Variants in CUX1 observed in about 807,000 individuals in gnomAD.
CUX1 encodes the protein cut like homeobox 1.
In CUX1, 31 loss-of-function variants were observed where a neutral mutation model predicts 158.8. The observed-to-expected ratio is 0.20, with a 90% confidence interval of 0.15 to 0.26. The LOEUF (loss-of-function observed/expected upper bound fraction) is 0.26, where lower values mean the gene tolerates loss of function less well. Ranked by LOEUF, CUX1 falls within the 10% of genes least tolerant of loss-of-function variation. The pLI, the probability that CUX1 is intolerant of heterozygous loss-of-function variation, is 1.00. For missense variants in CUX1, 1,589 were observed against 2,014.6 expected, an observed-to-expected ratio of 0.79 and a Z score of 4.04; for synonymous variants, 879 against 862.1, an observed-to-expected ratio of 1.02 and a Z score of -0.34.
At chr7:101,904,698 A>G (rs1360867050) in intron 1 of CUX1, among the ~76,000 whole-genome samples, 1 of 151,018 alleles carries the variant, frequency 6.6e-6, no homozygotes, top group Non-Finnish European at 1.5e-5. Flanking sequence ...CCTCCCAAGT[A>G]GCTGAGATTG....
In CUX1 at chr7:102,256,395, T is replaced by C. The variant is rs1195881005; in HGVS notation, c.*7353T>C. 4.1e-6 allele frequency: 4 copies of C among 985,270 alleles called. No homozygotes were observed. The highest frequency in any genetic ancestry group is 4.8e-6 in the Non-Finnish European group (4 of 829,866). 61.0% of individuals were successfully genotyped at this position (985,270 alleles called of 1,614,324 possible). On this transcript the variant is annotated 3_prime_UTR_variant, in exon 24 of 24. Coordinates refer to ENST00000292535, the MANE Select transcript of CUX1 (RefSeq NM_181552.4). Reference sequence around the variant, plus strand: ...ACTTATCAGGAGTGTATTGTTATTTTGTGTTTTGTTGTCATAAATGCTTTT... The same window carrying C: ...ACTTATCAGGAGTGTATTGTTATTTCGTGTTTTGTTGTCATAAATGCTTTT...
At chr7:102,118,415 G>A (rs1554492448) in intron 8 of CUX1, among the ~76,000 whole-genome samples, 1 of 152,148 alleles carries the variant, frequency 6.6e-6, no homozygotes, top group African/African-American at 2.4e-5. Flanking sequence ...GCTCCTAACT[G>A]TAGTCCTGGA....
intron 1 of CUX1, among the ~76,000 whole-genome samples, chr7:101,830,549 C>T (rs1379390623): frequency 6.6e-6 from 1 of 152,148 alleles, no homozygotes; most frequent in African/African-American, 2.4e-5. Context: ...AACTCCCAGG[C>T]TCAAGTGATC....
At chr7:102,149,500 G>A (rs76659768) in intron 8 of CUX1, among the ~76,000 whole-genome samples, 10,282 of 146,894 alleles carry the variant, frequency 0.07, 484 homozygotes, top group Middle Eastern at 0.13. Flanking sequence ...GCGCCACTAC[G>A]CCATTGCCCA....
At chr7:101,957,275 C>T (rs1022908064) in intron 2 of CUX1, among the ~76,000 whole-genome samples, 10 of 152,184 alleles carry the variant, frequency 6.6e-5, no homozygotes, top group African/African-American at 2.4e-4. Flanking sequence ...CAAATACCTG[C>T]ACATCACACA....
chr7:102,063,383 C>CTTTTTTTT (rs11368644), intron 3 of CUX1, among the ~76,000 whole-genome samples: 64 of 89,272 alleles, frequency 7.2e-4, no homozygotes, highest in East Asian at 1.9e-3. Flanking sequence ...ATTTCCTTTT[C>CTTTTTTTT]TTTTTTTTTT....
chr7:102,174,226 C>T (rs1554511189), intron 10 of CUX1, among the ~76,000 whole-genome samples: 1 of 152,202 alleles, frequency 6.6e-6, no homozygotes, highest in Admixed American at 6.5e-5. Context: ...TTAACCAATT[C>T]TCCTGTCTCA....
intron 20 of CUX1, among the ~76,000 whole-genome samples, chr7:102,210,307 G>A (rs1407601914): frequency 6.6e-6 from 1 of 152,158 alleles, no homozygotes; most frequent in East Asian, 1.9e-4. Flanking sequence ...ATGTTGGCCA[G>A]GCTAGTCTCC....
Position 102,250,387 on chromosome 7 carries a change from T to C in CUX1, c.*1345T>C. The stretch of plus-strand genomic sequence containing the variant: ...GGCACCTCACCTCACACCACTCTCC[T>C]GGATACCTGATGAACTGAGCCCTCC... On this transcript the variant is annotated 3_prime_UTR_variant, in exon 24 of 24. Coordinates refer to ENST00000292535, the MANE Select transcript of CUX1 (RefSeq NM_181552.4). The C allele has an allele frequency of 1.0e-6, 1 of 985,568 alleles. No homozygotes were observed. Among genetic ancestry groups the C allele is most frequent in the Non-Finnish European group, 1.2e-6 (1 of 830,026 alleles). 61.1% of individuals were successfully genotyped at this position (985,568 alleles called of 1,614,324 possible).
At chr7:102,108,736 T>TTTTGTGTGTGTGTGTG (rs10529873) in intron 6 of CUX1, among the ~76,000 whole-genome samples, 6 of 145,062 alleles carry the variant, frequency 4.1e-5, no homozygotes, top group African/African-American at 1.6e-4. Flanking sequence ...TTCATTCATT[T>TTTTGTGTGTGTGTGTG]TGTGTGTGTG....
At chr7:101,983,196 G>A (rs942888501) in intron 2 of CUX1, among the ~76,000 whole-genome samples, 30 of 152,150 alleles carry the variant, frequency 2.0e-4, no homozygotes, top group Admixed American at 3.3e-4. Context: ...TGTGGGATGG[G>A]CATATACGTG....
At chr7:102,020,207 T>C (rs1819181330) in intron 2 of CUX1, among the ~76,000 whole-genome samples, 1 of 152,214 alleles carries the variant, frequency 6.6e-6, no homozygotes, top group Admixed American at 6.5e-5. Flanking sequence ...TTCAATGCCA[T>C]TTAAAATTAC....
At chr7:102,132,078 A>C (rs1833306645) in intron 8 of CUX1, among the ~76,000 whole-genome samples, 1 of 151,984 alleles carries the variant, frequency 6.6e-6, no homozygotes, top group Non-Finnish European at 1.5e-5. Context: ...ACTTTTTTTT[A>C]AGCATGATGC....
intron 4 of CUX1, among the ~76,000 whole-genome samples, chr7:102,092,617 A>G (rs1302626972): frequency 1.3e-5 from 2 of 152,190 alleles, no homozygotes; most frequent in Non-Finnish European, 2.9e-5. Flanking sequence ...ATCATGAGTC[A>G]AAAATGCATT....
At chr7:101,941,383 T>G (rs945386944) in intron 2 of CUX1, among the ~76,000 whole-genome samples, 2 of 152,202 alleles carry the variant, frequency 1.3e-5, no homozygotes, top group African/African-American at 4.8e-5. Flanking sequence ...TTTGCGGGTC[T>G]GCTTAGCGGT....
chr7:102,028,891 G>A (rs1184921937), intron 3 of CUX1, among the ~76,000 whole-genome samples: 4 of 151,768 alleles, frequency 2.6e-5, no homozygotes, highest in Non-Finnish European at 4.4e-5. Flanking sequence ...TTCTCCCGAC[G>A]GAAAAACAGA....
chr7:101,995,437 T>C (rs796766893), intron 2 of CUX1, among the ~76,000 whole-genome samples: 3 of 152,374 alleles, frequency 2.0e-5, no homozygotes, highest in African/African-American at 7.2e-5. Flanking sequence ...TCACCCTGCA[T>C]GGCTTAAATT....
chr7:101,821,589 T>G (rs191225360), intron 1 of CUX1, among the ~76,000 whole-genome samples: 16 of 151,034 alleles, frequency 1.1e-4, no homozygotes, highest in Non-Finnish European at 2.2e-4. Flanking sequence ...CCGCCCGCCT[T>G]GGCCTCCCGA....
At chr7:101,997,177 C>T (rs1816030823) in intron 2 of CUX1, among the ~76,000 whole-genome samples, 1 of 151,832 alleles carries the variant, frequency 6.6e-6, no homozygotes, top group Non-Finnish European at 1.5e-5. Context: ...TAGCTGTGGA[C>T]CGAAGACAAA....
Sources: gnomAD v4.1 joint callset for allele counts (sites outside exome capture counted in the v4.1 genomes callset) on GRCh38, gnomAD v4.1.1 for gene constraint, MANE v1.5 for transcripts, NCBI Gene and HGNC (gene_info 2026-07-23, HGNC 2026-07-21) for gene names.